The following BIN2 variants were observed in gnomAD, a reference collection of about 807,000 sequenced individuals.
BIN2 encodes the protein bridging integrator 2.
A neutral mutation model predicts 67.9 loss-of-function variants in BIN2; 43 were observed. The observed-to-expected ratio is 0.63, with a 90% CI of 0.50 to 0.82. The LOEUF (loss-of-function observed/expected upper bound fraction) is 0.82, where lower values mean the gene tolerates loss of function less well. BIN2 is among the 40% of genes least tolerant of loss of function. BIN2 has a pLI of 0.00. For missense variants in BIN2, 581 were observed against 671.6 expected, an observed-to-expected ratio of 0.87 and a Z score of 1.49; for synonymous variants, 244 against 246.8, an observed-to-expected ratio of 0.99 and a Z score of 0.11.
rs952967863 is a variant in BIN2, at chr12:51,284,839, C to G, written c.1597-52G>C. ...AGAGGTGGCTCAACCTTTCCAGCCTCTCAGCATAGAAGTGTCTTCTGTGCC... is the reference window on the plus strand; with the variant it reads ...AGAGGTGGCTCAACCTTTCCAGCCTGTCAGCATAGAAGTGTCTTCTGTGCC... On this transcript the variant is annotated intron_variant, in intron 11 of 12. Transcript: ENST00000615107. The G allele has an allele frequency of 2.2e-6, 3 of 1,351,046 alleles. No individual in the cohort carries two copies. In the East Asian group the frequency reaches 6.9e-5, roughly 31 times the overall value. The allele number at this position is 1,351,046 out of a possible 1,614,324, so 83.7% of individuals were successfully genotyped here.
chr12:51,302,223 T>C, intron 4 of BIN2, 108 bp from the exon 5 acceptor site: 1 of 724,046 alleles, frequency 1.4e-6, no homozygotes, highest in East Asian at 2.7e-5. Context: ...TAGCACCGTA[T>C]TTAGAATACC....
chr12:51,306,579 A>G (rs541968448), intron 2 of BIN2, among the ~76,000 whole-genome samples: 1 of 152,334 alleles, frequency 6.6e-6, no homozygotes, highest in East Asian at 1.9e-4. Context: ...GTGAGCTGCA[A>G]TTGCGCCATT....
chr12:51,317,441 G>A (rs1365349397), intron 1 of BIN2, among the ~76,000 whole-genome samples: 1 of 152,130 alleles, frequency 6.6e-6, no homozygotes. Flanking sequence ...GCCAAGGCGG[G>A]TGGATCATCT....
intron 6 of BIN2, 50 bp downstream of exon 6, chr12:51,299,557 G>A (rs910475849): frequency 1.4e-5 from 22 of 1,549,878 alleles, no homozygotes; most frequent in Non-Finnish European, 2.0e-5. Flanking sequence ...ACCATGGGGA[G>A]AAGGAGAACA....
At chr12:51,301,758 C>T (rs1037528028) in intron 5 of BIN2, among the ~76,000 whole-genome samples, 3 of 152,084 alleles carry the variant, frequency 2.0e-5, no homozygotes, top group African/African-American at 7.2e-5. Flanking sequence ...GATTCTCTTG[C>T]ATCGGCCTCC....
At chr12:51,315,439 T>C (rs1946101689) in intron 1 of BIN2, among the ~76,000 whole-genome samples, 1 of 152,254 alleles carries the variant, frequency 6.6e-6, no homozygotes, top group African/African-American at 2.4e-5. Context: ...CCCAAAGTGC[T>C]GGGATTACAG....
intron 5 of BIN2, among the ~76,000 whole-genome samples, chr12:51,300,300 C>T (rs1945688739): frequency 6.6e-6 from 1 of 151,670 alleles, no homozygotes; most frequent in Admixed American, 6.6e-5. Flanking sequence ...ATATATATTT[C>T]CACCTCCACC....
chr12:51,314,521 T>C (rs58673573), intron 1 of BIN2, among the ~76,000 whole-genome samples: 20,127 of 151,942 alleles, frequency 0.13, 1,484 homozygotes, highest in East Asian at 0.24. Flanking sequence ...TATATCTGGC[T>C]GGGTGTGGTG....
intron 2 of BIN2, among the ~76,000 whole-genome samples, chr12:51,312,047 T>C (rs144044618): frequency 3.3e-5 from 5 of 152,252 alleles, no homozygotes; most frequent in African/African-American, 1.2e-4. Context: ...GCTGGGATTA[T>C]AGGCGTGAGC....
rs142865532 is a variant in BIN2 at position 51,287,388 on chromosome 12, G to A, written c.1596+720C>T. 3.1e-3 allele frequency among the ~76,000 whole-genome samples: 470 copies of A among 151,464 alleles called. 1 individual carries two copies. The highest frequency in any genetic ancestry group is 0.011 in the African/African-American group (439 of 41,260). On this transcript the variant is annotated intron_variant, in intron 11 of 12. Transcript: ENST00000615107. Reference sequence around the variant, plus strand: ...ACTCTTGTTGCCCAGGCTGGAATGCGATGGCGAGATCTCGGCTCACTGCAA... The same window carrying A: ...ACTCTTGTTGCCCAGGCTGGAATGCAATGGCGAGATCTCGGCTCACTGCAA...
chr12:51,309,249 G>T (rs1394279222), intron 2 of BIN2, among the ~76,000 whole-genome samples: 2 of 151,910 alleles, frequency 1.3e-5, no homozygotes, highest in Non-Finnish European at 2.9e-5. Context: ...GTGAGACCTC[G>T]TCTTCACAAA....
At chr12:51,316,971 G>T (rs888095242) in intron 1 of BIN2, among the ~76,000 whole-genome samples, 13 of 152,036 alleles carry the variant, frequency 8.6e-5, no homozygotes, top group African/African-American at 3.1e-4. Flanking sequence ...CCGCCTCCTA[G>T]GTTCAAGCAA....
chr12:51,281,439 C>T lies in BIN2; in HGVS notation c.*60G>A. On this transcript the variant is annotated 3_prime_UTR_variant, in exon 13 of 13. Coordinates refer to ENST00000615107, the MANE Select transcript of BIN2 (RefSeq NM_016293.4). ...CTCTTATATCCCTCTGACCTATACCCTCTGGTTGAAGAGCTTCTCTGGCGA... is the reference window on the plus strand; with the variant it reads ...CTCTTATATCCCTCTGACCTATACCTTCTGGTTGAAGAGCTTCTCTGGCGA... The T allele has an allele frequency of 6.5e-7, 1 of 1,549,076 alleles. No homozygotes were observed. Among genetic ancestry groups the T allele is most frequent in the East Asian group, 2.2e-5 (1 of 44,568 alleles).
chr12:51,324,182 C>G (rs1369450885), upstream of BIN2: 5 of 1,568,598 alleles, frequency 3.2e-6, no homozygotes, highest in Non-Finnish European at 4.3e-6. Flanking sequence ...AGTGCGGGCT[C>G]CCGGCATGCC....
chr12:51,323,963 G>GCTCGAC, intron 1 of BIN2, 59 bp downstream of exon 1: 1 of 1,594,672 alleles, frequency 6.3e-7, no homozygotes, highest in Non-Finnish European at 8.5e-7. Context: ...GCCCGGCCGG[G>GCTCGAC]CTCGGCCTCG....
chr12:51,318,865 G>A (rs1946197824), intron 1 of BIN2, among the ~76,000 whole-genome samples: 1 of 152,118 alleles, frequency 6.6e-6, no homozygotes, highest in East Asian at 1.9e-4. Context: ...ATTATGTTTA[G>A]TTTTGCTCCC....
intron 2 of BIN2, among the ~76,000 whole-genome samples, chr12:51,309,469 A>G (rs1490950936): frequency 2.0e-5 from 3 of 152,160 alleles, no homozygotes; most frequent in Admixed American, 2.0e-4. Flanking sequence ...TGTTAAATGT[A>G]TTTACCAAAA....
At position 51,283,716 on chromosome 12, in the gene BIN2, C is replaced by T. The variant is rs180980992; in HGVS notation, c.1668+1000G>A. Among the ~76,000 whole-genome samples, 717 of 151,866 alleles carry T rather than the reference C, an allele frequency of 4.7e-3. 2 individuals carry two copies. Among genetic ancestry groups the T allele is most frequent in the Non-Finnish European group, 8.3e-3 (565 of 67,894 alleles). ...GGATATAAAGAAAATATTTTTTGGC[C>T]GGGTGTGGTGGCTCCCGCCTGTAAC... On this transcript the variant is annotated intron_variant, in intron 12 of 12. Coordinates refer to ENST00000615107, the MANE Select transcript of BIN2 (RefSeq NM_016293.4).
At chr12:51,288,001 A>G in intron 11 of BIN2, 107 bp downstream of exon 11, 1 of 784,530 alleles carries the variant, frequency 1.3e-6, no homozygotes. Flanking sequence ...CTTCATGTGA[A>G]TCAAGACTGA....
Sources: allele counts gnomAD v4.1 joint callset (sites outside exome capture counted in the v4.1 genomes callset), GRCh38; gene constraint gnomAD v4.1.1; transcripts MANE v1.5; gene names NCBI Gene and HGNC (gene_info 2026-07-23, HGNC 2026-07-21).